The following ASTN2 variants were observed in gnomAD, a reference collection of about 807,000 sequenced individuals.
ASTN2 encodes the protein astrotactin-2.
ASTN2 carries 54 observed loss-of-function variants against 139.8 expected under a neutral mutation model. The observed-to-expected ratio is 0.39, with a 90% CI of 0.31 to 0.48. ASTN2 has a LOEUF of 0.48. ASTN2 is among the 20% of genes least tolerant of loss of function. The pLI, the probability that ASTN2 is intolerant of heterozygous loss-of-function variation, is 0.95. For missense variants in ASTN2, 1,565 were observed against 1,725.1 expected, an observed-to-expected ratio of 0.91 and a Z score of 1.64; for synonymous variants, 756 against 719.5, an observed-to-expected ratio of 1.05 and a Z score of -0.81.
At chr9:116,924,115 A>C (rs1439544090) in intron 10 of ASTN2, among the ~76,000 whole-genome samples, 1 of 152,102 alleles carries the variant, frequency 6.6e-6, no homozygotes, top group African/African-American at 2.4e-5. Context: ...GGAATAAAAA[A>C]TGGCTACTCC....
chr9:117,022,653 T>C (rs1032225174), intron 6 of ASTN2, among the ~76,000 whole-genome samples: 1 of 152,112 alleles, frequency 6.6e-6, no homozygotes, highest in Non-Finnish European at 1.5e-5. Context: ...TGTCCTGAAA[T>C]TTCACCTTGC....
chr9:117,129,606 A>G (rs1172023519), intron 4 of ASTN2, among the ~76,000 whole-genome samples: 1 of 152,132 alleles, frequency 6.6e-6, no homozygotes, highest in East Asian at 1.9e-4. Context: ...CTATATTATT[A>G]TTAGTAGTAG....
At chr9:117,322,343 G>C (rs1380505418) in intron 1 of ASTN2, among the ~76,000 whole-genome samples, 1 of 152,184 alleles carries the variant, frequency 6.6e-6, no homozygotes, top group African/African-American at 2.4e-5. Context: ...ATACGTGTAT[G>C]AACAGAAGGC....
chr9:117,236,102 T>A (rs1471290479), intron 2 of ASTN2, among the ~76,000 whole-genome samples: 1 of 152,160 alleles, frequency 6.6e-6, no homozygotes, highest in African/African-American at 2.4e-5. Flanking sequence ...AGTAGCATTA[T>A]ACTCACCAGA....
intron 7 of ASTN2, among the ~76,000 whole-genome samples, chr9:116,982,429 G>A (rs1464864409): frequency 1.3e-5 from 2 of 152,124 alleles, no homozygotes; most frequent in Non-Finnish European, 2.9e-5. Flanking sequence ...GGTAGGAAAG[G>A]CCCATCCAGT....
At chr9:117,339,793 G>C (rs567794321) in intron 1 of ASTN2, among the ~76,000 whole-genome samples, 1 of 151,560 alleles carries the variant, frequency 6.6e-6, no homozygotes, top group Admixed American at 6.6e-5. Flanking sequence ...GGGAAGAGAA[G>C]CACACATACC....
chr9:117,337,844 G>A (rs1297282141), intron 1 of ASTN2, among the ~76,000 whole-genome samples: 1 of 152,132 alleles, frequency 6.6e-6, no homozygotes, highest in Non-Finnish European at 1.5e-5. Context: ...AGGCATGGGG[G>A]TGGGAGGCCA....
At chr9:116,582,926 C>G (rs1854009471) in intron 19 of ASTN2, 1 of 152,228 alleles carries the variant, frequency 6.6e-6, no homozygotes. Context: ...ATCATTCATT[C>G]AACATTTGTT....
At chr9:116,796,989 C>CT (rs71300675) in intron 13 of ASTN2, among the ~76,000 whole-genome samples, 33,461 of 145,400 alleles carry the variant, frequency 0.23, 4,358 homozygotes, top group Middle Eastern at 0.37. Context: ...CTTAATTTTT[C>CT]TTTTTTTTTT....
chr9:117,128,369 C>G (rs1209068644), intron 4 of ASTN2, among the ~76,000 whole-genome samples: 1 of 35,200 alleles, frequency 2.8e-5, no homozygotes, highest in Non-Finnish European at 5.2e-5. Context: ...GAGACACTGT[C>G]TCAAAAAAAA....
At chr9:116,790,950 G>GAAAGAAAGAAAA (rs1564268705) in intron 13 of ASTN2, among the ~76,000 whole-genome samples, 1 of 138,404 alleles carries the variant, frequency 7.2e-6, no homozygotes, top group African/African-American at 2.7e-5. Flanking sequence ...AAGAAAGAAA[G>GAAAGAAAGAAAA]AAAGAAAAGA....
chr9:116,606,489 C>T (rs983245579), intron 19 of ASTN2, among the ~76,000 whole-genome samples: 40 of 152,264 alleles, frequency 2.6e-4, no homozygotes, highest in Admixed American at 9.8e-4. Context: ...TGCACATGCA[C>T]GCATGAGCTC....
intron 19 of ASTN2, among the ~76,000 whole-genome samples, chr9:116,514,187 T>A (rs544132505): frequency 1.3e-5 from 2 of 151,250 alleles, no homozygotes; most frequent in East Asian, 3.9e-4. Context: ...TTGGTGTGGA[T>A]GTCCTTTCTG....
intron 19 of ASTN2, among the ~76,000 whole-genome samples, chr9:116,592,675 G>C (rs1327146094): frequency 1.3e-5 from 2 of 152,094 alleles, no homozygotes; most frequent in Non-Finnish European, 2.9e-5. Context: ...GATACAGAGG[G>C]GTGACTATAT....
chr9:116,575,742 C>A (rs1444367042), intron 19 of ASTN2, among the ~76,000 whole-genome samples: 1 of 152,124 alleles, frequency 6.6e-6, no homozygotes, highest in East Asian at 1.9e-4. Flanking sequence ...ATCATTTTCC[C>A]CTCAAAATAT....
At chr9:117,126,805 C>T (rs1193835579) in intron 4 of ASTN2, among the ~76,000 whole-genome samples, 2 of 152,188 alleles carry the variant, frequency 1.3e-5, no homozygotes, top group African/African-American at 2.4e-5. Context: ...GCTTCTTTCT[C>T]CAAATCTTGA....
At chr9:116,866,727 G>A (rs551631432) in intron 10 of ASTN2, among the ~76,000 whole-genome samples, 5 of 151,772 alleles carry the variant, frequency 3.3e-5, no homozygotes, top group Non-Finnish European at 7.4e-5. Flanking sequence ...GTGAAACCTC[G>A]TCTCTACTAA....
rs149561209 is a variant in ASTN2 at position 117,033,961 on chromosome 9, C to T, written c.1423+5858G>A. 5.1e-3 allele frequency among the ~76,000 whole-genome samples: 781 copies of T among 152,256 alleles called. 6 individuals carry two copies. The highest frequency in any genetic ancestry group is 0.018 in the African/African-American group (737 of 41,554). ...TCCCTTCCTGTCTAGGTTCCTTCAA[C>T]GCTTGTTATTGAATGAATGTCTTCC... On this transcript the variant is annotated intron_variant, in intron 6 of 22. Coordinates refer to ENST00000313400, the MANE Select transcript of ASTN2 (RefSeq NM_001365068.1).
intron 19 of ASTN2, among the ~76,000 whole-genome samples, chr9:116,508,334 C>G (rs1221235238): frequency 6.6e-6 from 1 of 152,198 alleles, no homozygotes; most frequent in African/African-American, 2.4e-5. Context: ...GTAGTGGCGT[C>G]AAGGTCAACA....
Sources: gnomAD v4.1 joint callset for allele counts (sites outside exome capture counted in the v4.1 genomes callset) on GRCh38, gnomAD v4.1.1 for gene constraint, MANE v1.5 for transcripts, NCBI Gene and HGNC (gene_info 2026-07-23, HGNC 2026-07-21) for gene names.